Variants in ST7L observed in about 807,000 individuals in gnomAD.
ST7L encodes the protein suppression of tumorigenicity 7 like.
Under a neutral mutation model 72.5 loss-of-function variants are expected in ST7L, and 57 were observed. The ratio of observed to expected loss-of-function variants is 0.79; its 90% CI spans 0.64 to 0.98. The LOEUF (loss-of-function observed/expected upper bound fraction) is 0.98. ST7L is among the 50% of genes least tolerant of loss of function. The pLI is 0.00. For synonymous variants in ST7L, 221 were observed against 240.9 expected (o/e 0.92, Z 0.77); for missense variants, 576 against 672.2 (o/e 0.86, Z 1.58).
At chr1:112,561,751 A>G (rs1019009499) in intron 11 of ST7L, among the ~76,000 whole-genome samples, 1 of 152,070 alleles carries the variant, frequency 6.6e-6, no homozygotes, top group Non-Finnish European at 1.5e-5. Context: ...AAGTGCTGGG[A>G]TTACAGGCAT....
At chr1:112,583,707 C>T (rs1664457220) in intron 7 of ST7L, among the ~76,000 whole-genome samples, 1 of 152,182 alleles carries the variant, frequency 6.6e-6, no homozygotes, top group South Asian at 2.1e-4. Flanking sequence ...CAGCCCAATT[C>T]TCACATGAAA....
intron 6 of ST7L, among the ~76,000 whole-genome samples, chr1:112,585,917 G>A (rs917456862): frequency 3.3e-5 from 5 of 152,056 alleles, no homozygotes; most frequent in African/African-American, 4.8e-5. Flanking sequence ...ATTGATAAAC[G>A]TACAAGACCA....
rs570161663 is a variant in ST7L at position 112,574,608 on chromosome 1, T to G, written c.1245+2378A>C. 1.0e-3 allele frequency among the ~76,000 whole-genome samples: 148 copies of G among 148,106 alleles called. 1 individual carries two copies. Among genetic ancestry groups the G allele is most frequent in the Non-Finnish European group, 1.4e-3 (96 of 67,108 alleles). On this transcript the variant is annotated intron_variant, in intron 11 of 14. Coordinates refer to ENST00000358039, the MANE Select transcript of ST7L (RefSeq NM_017744.5). The stretch of plus-strand genomic sequence containing the variant: ...CGGGAGGCAGAGCTTGCAGTGAGCC[T>G]AGATCACGCCACTGCACTCCAGCCT...
At chr1:112,568,460 C>T (rs1661426362) in intron 11 of ST7L, among the ~76,000 whole-genome samples, 2 of 151,076 alleles carry the variant, frequency 1.3e-5, no homozygotes. Flanking sequence ...CCTCAGCCTC[C>T]CAAGTAGCTG....
At chr1:112,531,563 C>T (rs1043368909) in intron 14 of ST7L, among the ~76,000 whole-genome samples, 4 of 152,146 alleles carry the variant, frequency 2.6e-5, no homozygotes, top group Admixed American at 1.3e-4. Context: ...TTACGGGAGC[C>T]GTGTGAAAAT....
chr1:112,601,074 T>A (rs528764473), intron 3 of ST7L, among the ~76,000 whole-genome samples: 1 of 152,346 alleles, frequency 6.6e-6, no homozygotes, highest in East Asian at 1.9e-4. Flanking sequence ...CATATTACAA[T>A]GTGATTATCT....
chr1:112,612,655 A>G (rs1388668200), intron 2 of ST7L, among the ~76,000 whole-genome samples: 1 of 152,100 alleles, frequency 6.6e-6, no homozygotes, highest in East Asian at 1.9e-4. Flanking sequence ...CTCAGTCTAA[A>G]ATGGTATCTC....
chr1:112,557,254 C>A, intron 11 of ST7L, among the ~76,000 whole-genome samples: 1 of 152,116 alleles, frequency 6.6e-6, no homozygotes, highest in Non-Finnish European at 1.5e-5. Flanking sequence ...CACTTCTCCC[C>A]TAGTCCCCCA....
Position 112,577,026 on chromosome 1 carries a change from G to T in ST7L, c.1205C>A (p.Ala402Glu). Residue 402 changes from alanine (A) to glutamate (E), a missense_variant, in exon 11 of 15, where the codon GCA (alanine) becomes GAA (glutamate). Transcript: ENST00000358039. The stretch of plus-strand genomic sequence containing the variant: ...ATTAAATTCCACAGCTCTATGAATT[G>T]CTTCCACGGCATTAATTTCTGCTGT... ...LSTAEINAVE[A>E]IHRAVEFNPH... 2 of 1,610,284 alleles carry T rather than the reference G, an allele frequency of 1.2e-6. No individual in the cohort carries two copies. The highest frequency in any genetic ancestry group is 2.2e-5 in the East Asian group (1 of 44,784).
intron 13 of ST7L, among the ~76,000 whole-genome samples, chr1:112,549,959 G>A (rs984380833): frequency 2.6e-5 from 4 of 152,152 alleles, no homozygotes; most frequent in Admixed American, 6.5e-5. Flanking sequence ...GGTTGAGGAA[G>A]TACCCTTCAA....
chr1:112,585,514 G>T (rs971890504), intron 6 of ST7L, among the ~76,000 whole-genome samples: 5 of 151,924 alleles, frequency 3.3e-5, no homozygotes, highest in African/African-American at 1.2e-4. Context: ...AGGCCGAGGC[G>T]GGCGGATCAC....
At chr1:112,547,973 G>A (rs892227667) in intron 13 of ST7L, among the ~76,000 whole-genome samples, 1 of 152,156 alleles carries the variant, frequency 6.6e-6, no homozygotes, top group Admixed American at 6.5e-5. Context: ...CAATGTGCCA[G>A]CCATGTTTAT....
chr1:112,556,660 G>A (rs1017647578), intron 11 of ST7L, among the ~76,000 whole-genome samples: 12 of 152,094 alleles, frequency 7.9e-5, no homozygotes, highest in East Asian at 7.7e-4. Flanking sequence ...ACAAGACTAC[G>A]GTGAGTACTT....
chr1:112,576,917 T>C, intron 11 of ST7L, 69 bp downstream of exon 11: 2 of 1,183,332 alleles, frequency 1.7e-6, no homozygotes, highest in Non-Finnish European at 2.5e-6. Flanking sequence ...ACCCAGACTC[T>C]GGTCTACGAA....
downstream of ST7L, among the ~76,000 whole-genome samples, chr1:112,518,905 T>C (rs1312342532): frequency 1.3e-5 from 2 of 152,206 alleles, no homozygotes; most frequent in African/African-American, 4.8e-5. Flanking sequence ...TGTTGTCCAA[T>C]ACAGTAGCAA....
chr1:112,568,359 C>G lies in ST7L; in HGVS notation c.1245+8627G>C, dbSNP rs573482755. ...TTTTTTTTTTTTTTTTTTTGTGAGA[C>G]GGAGTCTTGCTTTGTCGCCCAGGCT... On this transcript the variant is annotated intron_variant, in intron 11 of 14. Transcript: ENST00000358039. Among the ~76,000 whole-genome samples, 3 of 122,942 alleles carry G rather than the reference C, an allele frequency of 2.4e-5. No homozygotes were observed. In the Admixed American group the frequency reaches 2.8e-4, roughly 12 times the overall value. 80.7% of individuals were successfully genotyped at this position (122,942 alleles called of 152,430 possible). A position where few individuals can be genotyped will look rare whatever the true frequency, so the allele number is the denominator to read the frequency against.
At chr1:112,600,448 T>C (rs529236681) in intron 4 of ST7L, among the ~76,000 whole-genome samples, 3 of 152,028 alleles carry the variant, frequency 2.0e-5, no homozygotes, top group Admixed American at 6.6e-5. Flanking sequence ...AAAAAAAAAT[T>C]AGCTGGATGT....
At position 112,597,959 on chromosome 1, in the gene ST7L, T is replaced by TA; in HGVS notation, c.622+11dup. 3.1e-6 allele frequency: 5 copies of TA among 1,593,366 alleles called. No homozygotes were observed. The highest frequency in any genetic ancestry group is 4.3e-6 in the Non-Finnish European group (5 of 1,163,830). On this transcript the variant is annotated intron_variant, in intron 5 of 14. Transcript: ENST00000358039. The stretch of plus-strand genomic sequence containing the variant: ...GATCACTGTTTATACTATGAACAGA[T>TA]ATGATACATACCTGTGTCTGAAGGA...
intron 3 of ST7L, among the ~76,000 whole-genome samples, chr1:112,601,583 T>A (rs1234063036): frequency 2.6e-5 from 4 of 152,098 alleles, no homozygotes; most frequent in Admixed American, 2.6e-4. Flanking sequence ...AAGAAGTGAT[T>A]AAATTTGTTC....
Sources: allele counts gnomAD v4.1 joint callset (sites outside exome capture counted in the v4.1 genomes callset), GRCh38; gene constraint gnomAD v4.1.1; transcripts MANE v1.5; gene names NCBI Gene and HGNC (gene_info 2026-07-23, HGNC 2026-07-21).